Variants in ARHGAP24 observed in about 807,000 individuals in gnomAD.
ARHGAP24 encodes rho GTPase-activating protein 24.
A neutral mutation model predicts 76.4 loss-of-function variants in ARHGAP24; 50 were observed. The ratio of observed to expected loss-of-function variants is 0.65; its 90% CI spans 0.52 to 0.83. The LOEUF is 0.83. Among genes scored for constraint, ARHGAP24 ranks in the 40% least tolerant of loss-of-function variants. The pLI, the probability that ARHGAP24 is intolerant of heterozygous loss-of-function variation, is 0.00. For synonymous variants in ARHGAP24, 345 were observed against 323.3 expected (o/e 1.07, Z -0.72); for missense variants, 930 against 914.2 (o/e 1.02, Z -0.22).
intron 2 of ARHGAP24, among the ~76,000 whole-genome samples, chr4:85,640,859 G>T (rs1338654385): frequency 2.0e-5 from 3 of 151,802 alleles, no homozygotes; most frequent in African/African-American, 7.3e-5. Context: ...GTTAATTGAA[G>T]GATAATTCAA....
intron 4 of ARHGAP24, among the ~76,000 whole-genome samples, chr4:85,938,813 A>G (rs1736796894): frequency 6.6e-6 from 1 of 152,028 alleles, no homozygotes; most frequent in Non-Finnish European, 1.5e-5. Flanking sequence ...TTGAAGCTCC[A>G]GAGTATTTTC....
intron 8 of ARHGAP24, among the ~76,000 whole-genome samples, chr4:85,993,128 T>C (rs1001637664): frequency 2.0e-5 from 3 of 152,160 alleles, no homozygotes; most frequent in African/African-American, 7.2e-5. Flanking sequence ...AACATTTGCA[T>C]CTACTACAGT....
intron 2 of ARHGAP24, among the ~76,000 whole-genome samples, chr4:85,590,212 T>G (rs145921794): frequency 0.22 from 27,314 of 125,308 alleles, 3,880 homozygotes; most frequent in East Asian, 0.77. Context: ...CTTCCTTCCT[T>G]CCTTCCTTCC....
At position 85,583,923 on chromosome 4, in the gene ARHGAP24, G is replaced by C; in HGVS notation, c.180+13202G>C. ...TCTCACACCAGTTAGAATGGCAATCGTTAAAAAGTCAGGAAACAACAGGTG... is the reference window on the plus strand; with the variant it reads ...TCTCACACCAGTTAGAATGGCAATCCTTAAAAAGTCAGGAAACAACAGGTG... On this transcript the variant is annotated intron_variant, in intron 2 of 9. Coordinates refer to ENST00000395184, the MANE Select transcript of ARHGAP24 (RefSeq NM_001025616.3). Among the ~76,000 whole-genome samples, 2 of 91,510 alleles carry C rather than the reference G, an allele frequency of 2.2e-5. 1 individual carries two copies. Among genetic ancestry groups the C allele is most frequent in the South Asian group, 1.4e-3 (2 of 1,472 alleles). 60.0% of individuals were successfully genotyped at this position (91,510 alleles called of 152,430 possible).
intron 1 of ARHGAP24, among the ~76,000 whole-genome samples, chr4:85,501,574 T>G (rs1039083823): frequency 8.5e-5 from 13 of 152,186 alleles, no homozygotes; most frequent in African/African-American, 3.1e-4. Flanking sequence ...ATGGGGTTGT[T>G]TTTTTCTTGT....
chr4:85,514,375 C>G (rs186632303), intron 1 of ARHGAP24, among the ~76,000 whole-genome samples: 1 of 152,124 alleles, frequency 6.6e-6, no homozygotes, highest in Non-Finnish European at 1.5e-5. Context: ...TCACTTTAAT[C>G]TACTTTCACT....
At chr4:85,914,649 T>C (rs1246643447) in intron 3 of ARHGAP24, among the ~76,000 whole-genome samples, 2 of 152,210 alleles carry the variant, frequency 1.3e-5, no homozygotes, top group Non-Finnish European at 2.9e-5. Context: ...GTTTTTAACT[T>C]TCATGACCAT....
chr4:85,584,228 T>G (rs570161428), intron 2 of ARHGAP24, among the ~76,000 whole-genome samples: 26 of 152,250 alleles, frequency 1.7e-4, no homozygotes, highest in African/African-American at 6.0e-4. Context: ...TTAAGAAATG[T>G]GGCACATATA....
At chr4:85,945,033 A>G (rs939307411) in intron 5 of ARHGAP24, among the ~76,000 whole-genome samples, 1 of 151,964 alleles carries the variant, frequency 6.6e-6, no homozygotes, top group African/African-American at 2.4e-5. Context: ...TTTACTAGAG[A>G]CAGAGTTTCT....
chr4:85,759,648 G>T (rs1269541914), intron 3 of ARHGAP24, among the ~76,000 whole-genome samples: 4 of 152,140 alleles, frequency 2.6e-5, no homozygotes, highest in Non-Finnish European at 4.4e-5. Context: ...TGAGACTGGA[G>T]GCAAGGACGT....
chr4:85,698,271 G>A (rs1169277092), intron 2 of ARHGAP24, among the ~76,000 whole-genome samples: 1 of 152,170 alleles, frequency 6.6e-6, no homozygotes, highest in Admixed American at 6.5e-5. Context: ...ACCCATGGAA[G>A]GTTGGCAGGG....
chr4:85,745,946 A>G (rs188194604), intron 3 of ARHGAP24, among the ~76,000 whole-genome samples: 1 of 152,358 alleles, frequency 6.6e-6, no homozygotes, highest in Non-Finnish European at 1.5e-5. Context: ...GTAGCCTGAC[A>G]GTCCAGTGGA....
chr4:85,824,981 T>C (rs1729644914), intron 3 of ARHGAP24, among the ~76,000 whole-genome samples: 1 of 151,932 alleles, frequency 6.6e-6, no homozygotes, highest in Non-Finnish European at 1.5e-5. Context: ...TCCCAGCTAC[T>C]AGGGAGGCTG....
chr4:85,572,729 T>C lies in ARHGAP24; in HGVS notation c.180+2008T>C, dbSNP rs1052320122. On this transcript the variant is annotated intron_variant, in intron 2 of 9. Coordinates refer to ENST00000395184, the MANE Select transcript of ARHGAP24 (RefSeq NM_001025616.3). ...AAATAGACTTGTATTGACCAAAAAG[T>C]ACTAATTCTTTTACAAACCAAACAG... is the stretch of plus-strand genomic sequence containing the variant. Among the ~76,000 whole-genome samples the C allele has an allele frequency of 7.1e-5, 8 of 112,310 alleles. No individual in the cohort carries two copies. The South Asian group carries it at 1.8e-3, about 25-fold the overall frequency. 73.7% of individuals were successfully genotyped at this position (112,310 alleles called of 152,430 possible).
chr4:85,761,345 C>T (rs1033062212), intron 3 of ARHGAP24, among the ~76,000 whole-genome samples: 1 of 152,192 alleles, frequency 6.6e-6, no homozygotes, highest in East Asian at 1.9e-4. Flanking sequence ...ACTGTGGACT[C>T]AGTAGCTGAG....
In ARHGAP24 at chr4:85,995,309, G is replaced by A. The variant is rs1240921155; in HGVS notation, c.1655G>A (p.Ser552Asn). ...MNLDDKQSID[S>N]ATWSTSSCEI... ...CTTGATGACAAGCAGAGCATTGACAGTGCTACCTGGTCCACTTCCTCCTGT... is the reference window on the plus strand; with the variant it reads ...CTTGATGACAAGCAGAGCATTGACAATGCTACCTGGTCCACTTCCTCCTGT... Residue 552 changes from serine to asparagine, a missense_variant, in exon 9 of 10, where the codon AGT (serine) becomes AAT (asparagine). Physicochemically the swap from Ser to Asn is conservative, Grantham distance 46. Coordinates refer to ENST00000395184, the MANE Select transcript of ARHGAP24 (RefSeq NM_001025616.3). The A allele has an allele frequency of 9.9e-6, 16 of 1,614,070 alleles. No individual in the cohort carries two copies. The highest frequency in any genetic ancestry group is 1.3e-5 in the Non-Finnish European group (15 of 1,180,028).
intron 3 of ARHGAP24, among the ~76,000 whole-genome samples, chr4:85,789,421 A>G (rs1728015502): frequency 6.6e-6 from 1 of 151,962 alleles, no homozygotes; most frequent in Non-Finnish European, 1.5e-5. Context: ...GCTGGAGTTC[A>G]GGGATAAAAC....
chr4:85,924,483 C>T (rs1311963782), intron 4 of ARHGAP24, among the ~76,000 whole-genome samples: 1 of 152,044 alleles, frequency 6.6e-6, no homozygotes, highest in African/African-American at 2.4e-5. Flanking sequence ...TATTTATCTA[C>T]AACCACAATA....
At chr4:85,541,142 C>CTTTTTTTTTTTTTTTTTTTT (rs70948733) in intron 1 of ARHGAP24, among the ~76,000 whole-genome samples, 3 of 49,772 alleles carry the variant, frequency 6.0e-5, no homozygotes, top group African/African-American at 1.1e-4. Flanking sequence ...CATCCATGAC[C>CTTTTTTTTTTTTTTTTTTTT]TTTTTTTTTT....
Sources: gnomAD v4.1 joint callset for allele counts (sites outside exome capture counted in the v4.1 genomes callset) on GRCh38, gnomAD v4.1.1 for gene constraint, MANE v1.5 for transcripts, NCBI Gene and HGNC (gene_info 2026-07-23, HGNC 2026-07-21) for gene names.